ELOVL2: variants seen among roughly 807,000 people sequenced by gnomAD.
ELOVL2 encodes very long chain fatty acid elongase 2.
A neutral mutation model predicts 37.7 loss-of-function variants in ELOVL2; 38 were observed. The observed-to-expected ratio is 1.01, with a 90% CI of 0.78 to 1.32. The LOEUF (loss-of-function observed/expected upper bound fraction) is 1.32, where lower values mean the gene tolerates loss of function less well. Among genes scored for constraint, ELOVL2 ranks in the 40% most tolerant of loss-of-function variants. ELOVL2 has a pLI of 0.00. For synonymous variants in ELOVL2, 115 were observed against 122.3 expected (o/e 0.94, Z 0.40); for missense variants, 352 against 363.6 (o/e 0.97, Z 0.26).
intron 5 of ELOVL2, among the ~76,000 whole-genome samples, chr6:10,994,341 G>A (rs545513974): frequency 8.6e-5 from 13 of 151,670 alleles, no homozygotes; most frequent in East Asian, 2.0e-4. Context: ...GGTGGTGGGC[G>A]CCTGTAATCC....
At chr6:10,997,499 G>A (rs1157589219) in intron 4 of ELOVL2, among the ~76,000 whole-genome samples, 2 of 152,044 alleles carry the variant, frequency 1.3e-5, no homozygotes, top group Non-Finnish European at 2.9e-5. Flanking sequence ...GGTTTGAAAT[G>A]GTTTTTAAGT....
intron 1 of ELOVL2, among the ~76,000 whole-genome samples, chr6:11,028,248 T>C (rs973536316): frequency 1.3e-5 from 2 of 152,240 alleles, no homozygotes; most frequent in East Asian, 1.9e-4. Flanking sequence ...GGATATAGCA[T>C]TTTAATGCCA....
intron 1 of ELOVL2, among the ~76,000 whole-genome samples, chr6:11,033,204 C>A (rs981102968): frequency 6.6e-6 from 1 of 152,154 alleles, no homozygotes; most frequent in African/African-American, 2.4e-5. Flanking sequence ...TACTCCTACA[C>A]TATTTAAGTG....
At chr6:11,001,749 A>G (rs1782386931) in intron 3 of ELOVL2, among the ~76,000 whole-genome samples, 1 of 152,190 alleles carries the variant, frequency 6.6e-6, no homozygotes, top group Admixed American at 6.5e-5. Flanking sequence ...CAGCCAAGCT[A>G]GAGAGGCTCT....
chr6:11,036,881 T>C (rs1401523761), intron 1 of ELOVL2, among the ~76,000 whole-genome samples: 1 of 151,118 alleles, frequency 6.6e-6, no homozygotes, highest in African/African-American at 2.5e-5. Flanking sequence ...TATGGACATA[T>C]TCTGTTTTCT....
At chr6:11,031,097 T>C (rs995616722) in intron 1 of ELOVL2, among the ~76,000 whole-genome samples, 3 of 152,220 alleles carry the variant, frequency 2.0e-5, no homozygotes, top group African/African-American at 7.2e-5. Flanking sequence ...TTGAGATCTA[T>C]TCATGTTGAC....
chr6:10,998,438 CT>C (rs1441014904), intron 4 of ELOVL2, among the ~76,000 whole-genome samples: 2 of 152,138 alleles, frequency 1.3e-5, no homozygotes, highest in Non-Finnish European at 2.9e-5. Flanking sequence ...TTCTTTCCCT[CT>C]AATTTTTTTT....
rs146962158 is a variant in ELOVL2 at position 11,026,199 on chromosome 6, A to G, written c.4-15390T>C. 5.6e-3 allele frequency among the ~76,000 whole-genome samples: 860 copies of G among 152,304 alleles called. 32 individuals are homozygous for G. The highest frequency in any genetic ancestry group is 0.053 in the Admixed American group (816 of 15,294). The stretch of plus-strand genomic sequence containing the variant: ...CAGCCAAAATTAGTCTCCAGAGAAG[A>G]CTTAAAGTATCCTGCTCTGATTCCA... On this transcript the variant is annotated intron_variant, in intron 1 of 7. Transcript: ENST00000354666.
At chr6:10,986,753 G>A (rs1782059833) in intron 7 of ELOVL2, among the ~76,000 whole-genome samples, 1 of 152,134 alleles carries the variant, frequency 6.6e-6, no homozygotes, top group Admixed American at 6.5e-5. Context: ...CGGTTTGCCA[G>A]TATTTTATTG....
chr6:11,011,913 G>A (rs1351883226), intron 1 of ELOVL2, among the ~76,000 whole-genome samples: 1 of 152,192 alleles, frequency 6.6e-6, no homozygotes, highest in Non-Finnish European at 1.5e-5. Flanking sequence ...GGGGCCAGCG[G>A]GTTGGTCCCT....
At chr6:10,985,283 T>G (rs1782027200) in intron 7 of ELOVL2, among the ~76,000 whole-genome samples, 1 of 152,004 alleles carries the variant, frequency 6.6e-6, no homozygotes, top group African/African-American at 2.4e-5. Flanking sequence ...ATGAGTAGGT[T>G]GTGAAAATTT....
In ELOVL2 at chr6:11,029,223, C is replaced by CAAA. The variant is rs376639413; in HGVS notation, c.3+15002_3+15004dup. 7.9e-4 allele frequency among the ~76,000 whole-genome samples: 60 copies of CAAA among 75,772 alleles called. 2 individuals are homozygous for CAAA. Among genetic ancestry groups the CAAA allele is most frequent in the African/African-American group, 1.8e-3 (35 of 19,288 alleles). The allele number at this position is 75,772 out of a possible 152,430, so 49.7% of individuals were successfully genotyped here. A position where few individuals can be genotyped will look rare whatever the true frequency, so the allele number is the denominator to read the frequency against. On this transcript the variant is annotated intron_variant, in intron 1 of 7. Coordinates refer to ENST00000354666, the MANE Select transcript of ELOVL2 (RefSeq NM_017770.4). ...AGCCCGGGGCGACAGAGGGAGATCT[C>CAAA]AAAAAAAAAAAAAAAAAAAAAAAAA...
rs1372184082 is a variant in ELOVL2, at chr6:11,017,043, G to A, written c.4-6234C>T. Among the ~76,000 whole-genome samples the A allele has an allele frequency of 2.0e-5, 3 of 152,208 alleles. No individual in the cohort carries two copies. The East Asian group carries it at 5.8e-4, about 29-fold the overall frequency. On this transcript the variant is annotated intron_variant, in intron 1 of 7. Transcript: ENST00000354666. ...TGGGTAGAACAATCTTTTATGTATG[G>A]GAACTCTAAATTGTTATTATGTATC...
At chr6:10,986,794 A>G (rs1201982461) in intron 7 of ELOVL2, among the ~76,000 whole-genome samples, 1 of 152,134 alleles carries the variant, frequency 6.6e-6, no homozygotes, top group Admixed American at 6.5e-5. Flanking sequence ...CATCAAGGAT[A>G]TTGGTCTAAA....
At chr6:11,010,893 T>C (rs1782563769) in intron 1 of ELOVL2, 84 bp from the exon 2 acceptor site, 1 of 1,027,342 alleles carries the variant, frequency 9.7e-7, no homozygotes, top group African/African-American at 1.6e-5. Context: ...CAACAACATG[T>C]AACTGACAGA....
chr6:11,019,968 T>C (rs1487630716), intron 1 of ELOVL2, among the ~76,000 whole-genome samples: 1 of 152,230 alleles, frequency 6.6e-6, no homozygotes, highest in South Asian at 2.1e-4. Flanking sequence ...GGTTTCGAAC[T>C]CCTGACCTCA....
Position 11,005,489 on chromosome 6 carries a change from C to T in ELOVL2, c.138G>A (p.Leu46=). Residue 46 remains leucine (L), a synonymous_variant, in exon 3 of 8, where the codon CTG becomes CTA. Transcript: ENST00000354666. ...LPTFFLTVMY[L]LSIWLGNKYM... ...ACTTGTTACCCAGCCATATTGAGAG[C>T]AGATACATGACAGTAAGAAAAAAGG... 6.2e-7 allele frequency: 1 copy of T among 1,614,034 alleles called. No individual in the cohort carries two copies. The highest frequency in any genetic ancestry group is 1.6e-4 in the Middle Eastern group (1 of 6,062).
chr6:11,034,341 C>G (rs1782977133), intron 1 of ELOVL2, among the ~76,000 whole-genome samples: 1 of 152,170 alleles, frequency 6.6e-6, no homozygotes, highest in East Asian at 1.9e-4. Context: ...CTTCTCTCTC[C>G]TAGCATAAAT....
At chr6:11,011,397 G>C (rs1049881316) in intron 1 of ELOVL2, among the ~76,000 whole-genome samples, 2 of 151,714 alleles carry the variant, frequency 1.3e-5, no homozygotes, top group Admixed American at 6.6e-5. Context: ...ACATTGAAGG[G>C]TTATTGACCT....
Sources: gnomAD v4.1 joint callset for allele counts (sites outside exome capture counted in the v4.1 genomes callset) on GRCh38, gnomAD v4.1.1 for gene constraint, MANE v1.5 for transcripts, NCBI Gene and HGNC (gene_info 2026-07-23, HGNC 2026-07-21) for gene names.